Variants in SLCO5A1 observed in about 807,000 individuals in gnomAD.
The protein encoded by SLCO5A1 is organic anion transporter polypeptide-related protein 4.
A neutral mutation model predicts 65.1 loss-of-function variants in SLCO5A1; 39 were observed. That is an observed-to-expected ratio of 0.60 (90% CI 0.46 to 0.78). The LOEUF is 0.78. Among genes scored for constraint, SLCO5A1 ranks in the 30% least tolerant of loss-of-function variants. The pLI is 0.00. For missense variants in SLCO5A1, 1,029 were observed against 1,069.4 expected (o/e 0.96, Z 0.53); for synonymous variants, 438 against 415.7 (o/e 1.05, Z -0.65).
chr8:69,726,025 C>T lies in SLCO5A1; in HGVS notation c.1423+12015G>A, dbSNP rs1816053763. 2.6e-5 allele frequency among the ~76,000 whole-genome samples: 4 copies of T among 152,330 alleles called. No individual in the cohort carries two copies. In the South Asian group the frequency reaches 8.3e-4, roughly 32 times the overall value. ...ATGTGGAGAGCACCGAGGTGAATGT[C>T]CTCAGAGCCCAGAATATATCCACAT... On this transcript the variant is annotated intron_variant, in intron 5 of 9. Transcript: ENST00000260126.
chr8:69,832,660 G>A lies in SLCO5A1; in HGVS notation c.14C>T (p.Thr5Ile). 2 of 1,602,094 alleles carry A rather than the reference G, an allele frequency of 1.2e-6. No homozygotes were observed. The highest frequency in any genetic ancestry group is 2.2e-5 in the South Asian group (2 of 90,722). Residue 5 changes from threonine to isoleucine, a missense_variant, in exon 2 of 10, where the codon ACT (threonine) becomes ATT (isoleucine). Thr to Ile is a moderately conservative substitution (Grantham distance 89). This residue lies in a region of SLCO5A1 where 647 missense variants were observed against 647.5 expected (regional missense o/e 1.00). Coordinates refer to ENST00000260126, the MANE Select transcript of SLCO5A1 (RefSeq NM_030958.3). This position sits in a 1 kb window ranked among gnomAD's most constrained non-coding sequence, Gnocchi z 4.5. MDEG[T>I]GLQPGAGEQL... ...CTCTCCCGCCCCGGGCTGCAGTCCA[G>A]TGCCTTCGTCCATGGCGCTTAGAAT...
rs1366058662 is a variant in SLCO5A1 at position 69,670,272 on chromosome 8, T to G, written c.*2597A>C. 1 of 152,196 alleles carries G rather than the reference T, an allele frequency of 6.6e-6. No individual in the cohort carries two copies. Among genetic ancestry groups the G allele is most frequent in the East Asian group, 1.9e-4 (1 of 5,196 alleles). 9.4% of individuals were successfully genotyped at this position (152,196 alleles called of 1,614,324 possible). A position where few individuals can be genotyped will look rare whatever the true frequency, so the allele number is the denominator to read the frequency against. ...TCTAATAGGAGCTGTGACTATAAAG[T>G]AATGGGATCAATTTATTAAGAAACA... On this transcript the variant is annotated 3_prime_UTR_variant, in exon 10 of 10. Transcript: ENST00000260126.
intron 5 of SLCO5A1, chr8:69,713,592 C>T (rs1327433069): frequency 1.3e-5 from 2 of 152,208 alleles, no homozygotes; most frequent in Non-Finnish European, 2.9e-5. Flanking sequence ...ATTTAATTCT[C>T]AAATGTTACA....
chr8:69,690,035 C>T lies in SLCO5A1; in HGVS notation c.1623-7692G>A, dbSNP rs553995274. On this transcript the variant is annotated intron_variant, in intron 6 of 9. Coordinates refer to ENST00000260126, the MANE Select transcript of SLCO5A1 (RefSeq NM_030958.3). ...TTCAGCAAGGCCGGTGGACCCCGCC[C>T]CGCCCCTTTGCGGGTACGGGGGGGC... Among the ~76,000 whole-genome samples the T allele has an allele frequency of 1.0e-4, 15 of 147,754 alleles. No homozygotes were observed. In the East Asian group the frequency reaches 2.7e-3, roughly 27 times the overall value.
intron 5 of SLCO5A1, among the ~76,000 whole-genome samples, chr8:69,705,914 C>T (rs992206150): frequency 1.3e-5 from 2 of 152,180 alleles, no homozygotes; most frequent in African/African-American, 4.8e-5. Context: ...TATACATGCC[C>T]TGTGGCAATC....
At chr8:69,736,414 G>A (rs1054932664) in intron 5 of SLCO5A1, among the ~76,000 whole-genome samples, 24 of 152,176 alleles carry the variant, frequency 1.6e-4, no homozygotes, top group Non-Finnish European at 2.1e-4. Context: ...ATGCCTACCC[G>A]GCTCAGCACT....
At position 69,751,388 on chromosome 8, in the gene SLCO5A1, T is replaced by C. The variant is rs76533117; in HGVS notation, c.1258+4036A>G. Among the ~76,000 whole-genome samples the C allele has an allele frequency of 2.5e-3, 377 of 152,294 alleles. 3 individuals are homozygous for C. Among genetic ancestry groups the C allele is most frequent in the Non-Finnish European group, 4.2e-3 (284 of 68,030 alleles). On this transcript the variant is annotated intron_variant, in intron 4 of 9. Transcript: ENST00000260126. ...TCCCCTTTGCGGTGTCTTAAATCAG[T>C]GTTATTCCTGCATAATTTATAATAA...
At chr8:69,809,440 C>T (rs932678058) in intron 2 of SLCO5A1, among the ~76,000 whole-genome samples, 1 of 151,946 alleles carries the variant, frequency 6.6e-6, no homozygotes, top group African/African-American at 2.4e-5. Flanking sequence ...ATGAAATGTG[C>T]AAATGTTTTG....
At chr8:69,821,197 TAA>T (rs34078991) in intron 2 of SLCO5A1, among the ~76,000 whole-genome samples, 2 of 148,136 alleles carry the variant, frequency 1.4e-5, no homozygotes, top group African/African-American at 4.9e-5. Flanking sequence ...GAAGAAATGT[TAA>T]AAAAAAAAAA....
At chr8:69,760,811 G>A (rs1281748857) in intron 3 of SLCO5A1, among the ~76,000 whole-genome samples, 3 of 152,144 alleles carry the variant, frequency 2.0e-5, no homozygotes, top group Non-Finnish European at 4.4e-5. Context: ...ATCCAAAGTT[G>A]AAGTTCTCAT....
At chr8:69,822,972 C>T (rs1820711809) in intron 2 of SLCO5A1, among the ~76,000 whole-genome samples, 1 of 152,244 alleles carries the variant, frequency 6.6e-6, no homozygotes, top group Non-Finnish European at 1.5e-5. Context: ...CCCTGCTTAA[C>T]TGATGGCTGA....
chr8:69,686,002 T>G (rs538753804), intron 6 of SLCO5A1, among the ~76,000 whole-genome samples: 13 of 152,282 alleles, frequency 8.5e-5, no homozygotes, highest in African/African-American at 2.9e-4. Flanking sequence ...CCACAGCAAT[T>G]GTGTCCCATC....
intron 2 of SLCO5A1, among the ~76,000 whole-genome samples, chr8:69,798,424 G>C (rs1175294731): frequency 2.5e-4 from 38 of 152,262 alleles, no homozygotes; most frequent in Admixed American, 2.4e-3. Context: ...TGCTGATGAG[G>C]CCTCAGGAAA....
At chr8:69,780,117 AC>A (rs2130881787) in intron 2 of SLCO5A1, among the ~76,000 whole-genome samples, 2 of 152,236 alleles carry the variant, frequency 1.3e-5, no homozygotes, top group South Asian at 4.1e-4. Flanking sequence ...TCTTACACCA[AC>A]CAGAATGGCT....
intron 4 of SLCO5A1, among the ~76,000 whole-genome samples, chr8:69,751,556 T>C (rs974628718): frequency 1.3e-5 from 2 of 151,952 alleles, no homozygotes; most frequent in Non-Finnish European, 1.5e-5. Flanking sequence ...TCTTTTTTTT[T>C]TTTTTCGTGA....
intron 2 of SLCO5A1, among the ~76,000 whole-genome samples, chr8:69,774,429 G>A (rs1818475233): frequency 6.6e-6 from 1 of 152,164 alleles, no homozygotes; most frequent in South Asian, 2.1e-4. Context: ...GGTCCTCAGA[G>A]CTTCCTTATA....
rs551772169 is a variant in SLCO5A1 at position 69,812,624 on chromosome 8, A to C, written c.907+19143T>G. Among the ~76,000 whole-genome samples the C allele has an allele frequency of 5.3e-5, 8 of 152,352 alleles. No individual in the cohort carries two copies. In the East Asian group the frequency reaches 9.6e-4, roughly 18 times the overall value. Reference sequence around the variant, plus strand: ...GGCTCTAGAACCTAAAAGGAAAGAAAGTGTGTACAGAGGAGAACTTTGCAC... The same window carrying C: ...GGCTCTAGAACCTAAAAGGAAAGAACGTGTGTACAGAGGAGAACTTTGCAC... On this transcript the variant is annotated intron_variant, in intron 2 of 9. Coordinates refer to ENST00000260126, the MANE Select transcript of SLCO5A1 (RefSeq NM_030958.3).
intron 5 of SLCO5A1, among the ~76,000 whole-genome samples, chr8:69,708,061 C>T (rs1355410851): frequency 2.4e-4 from 36 of 152,148 alleles, no homozygotes; most frequent in Non-Finnish European, 4.4e-5. Flanking sequence ...AGGGCCAAAA[C>T]TACAACATTC....
At position 69,832,996 on chromosome 8, in the gene SLCO5A1, C is replaced by T; in HGVS notation, c.-323G>A. On this transcript the variant is annotated 5_prime_UTR_variant, in exon 2 of 10. Transcript: ENST00000260126. The surrounding 1 kb of genome is among the most constrained non-coding windows in gnomAD (Gnocchi z 4.5). ...TCGCGCGTCCCGGGCTCATCCCCTCCGCCGCCGCCGCCGCCGCCGCCGCTG... is the reference window on the plus strand; with the variant it reads ...TCGCGCGTCCCGGGCTCATCCCCTCTGCCGCCGCCGCCGCCGCCGCCGCTG... 1 of 244,724 alleles carries T rather than the reference C, an allele frequency of 4.1e-6. No individual in the cohort carries two copies. Among genetic ancestry groups the T allele is most frequent in the South Asian group, 8.1e-5 (1 of 12,392 alleles). 15.2% of individuals were successfully genotyped at this position (244,724 alleles called of 1,614,324 possible). A position where few individuals can be genotyped will look rare whatever the true frequency, so the allele number is the denominator to read the frequency against.
Sources: gnomAD v4.1 joint callset for allele counts (sites outside exome capture counted in the v4.1 genomes callset) on GRCh38, gnomAD v4.1.1 for gene constraint, gnomAD v4.1.1 regional missense constraint, Gnocchi (gnomAD v3.1) non-coding constraint, MANE v1.5 for transcripts, NCBI Gene and HGNC (gene_info 2026-07-23, HGNC 2026-07-21) for gene names.